RAD54B: variants seen among roughly 807,000 people sequenced by gnomAD.
RAD54B encodes the protein DNA repair and recombination protein RAD54B.
In RAD54B, 78 loss-of-function variants were observed where a neutral mutation model predicts 95.8. The ratio of observed to expected loss-of-function variants is 0.81; its 90% CI spans 0.68 to 0.98. The LOEUF is 0.98. RAD54B is among the 50% of genes least tolerant of loss of function. The probability of loss-of-function intolerance (pLI) is 0.00; values close to 1 mark genes in which losing one functional copy is unlikely to be tolerated. For missense variants in RAD54B, 957 were observed against 1,056.6 expected (o/e 0.91, Z 1.31); for synonymous variants, 328 against 354.9 (o/e 0.92, Z 0.85).
At chr8:94,425,885 C>T (rs1811929559) in intron 3 of RAD54B, among the ~76,000 whole-genome samples, 1 of 151,436 alleles carries the variant, frequency 6.6e-6, no homozygotes, top group Admixed American at 6.6e-5. Flanking sequence ...ATTTTGAATG[C>T]ACTTAAATAT....
chr8:94,387,371 G>GC, intron 10 of RAD54B: 2 of 394,906 alleles, frequency 5.1e-6, no homozygotes, highest in South Asian at 6.8e-5. Flanking sequence ...CAGTTCTAAC[G>GC]CAGTCTCATG....
intron 4 of RAD54B, among the ~76,000 whole-genome samples, chr8:94,410,381 C>T (rs1811500788): frequency 6.6e-6 from 1 of 152,176 alleles, no homozygotes; most frequent in African/African-American, 2.4e-5. Flanking sequence ...AATTACTTTG[C>T]TTTGTTCCCA....
intron 1 of RAD54B, among the ~76,000 whole-genome samples, chr8:94,472,388 T>A (rs1163970510): frequency 6.6e-6 from 1 of 152,230 alleles, no homozygotes. Context: ...TGTTAGGCCT[T>A]GCACTTAGAC....
intron 3 of RAD54B, chr8:94,437,061 A>C (rs1812284850): frequency 8.0e-6 from 9 of 1,131,470 alleles, no homozygotes; most frequent in Non-Finnish European, 1.0e-5. Flanking sequence ...GCTTAAGCCA[A>C]GCCTGACCTA....
chr8:94,383,059 G>A (rs1810782754), intron 11 of RAD54B, among the ~76,000 whole-genome samples: 1 of 152,118 alleles, frequency 6.6e-6, no homozygotes. Flanking sequence ...CACTTTGGGA[G>A]GCCAAGGGGG....
chr8:94,417,401 TAA>T (rs1811700464), intron 3 of RAD54B, among the ~76,000 whole-genome samples: 1 of 150,050 alleles, frequency 6.7e-6, no homozygotes, highest in Admixed American at 6.6e-5. Flanking sequence ...TAGGGTATGT[TAA>T]TTGTATCTCA....
In RAD54B at chr8:94,427,937, A is replaced by G. The variant is rs909575249; in HGVS notation, c.305-16622T>C. ...ACAGGGTAGAATGACTCCTTAAAAA[A>G]AAAAATGAAATAACACCAAGTTAAT... On this transcript the variant is annotated intron_variant, in intron 3 of 14. Transcript: ENST00000336148. 1.4e-5 allele frequency: 13 copies of G among 920,506 alleles called. No individual in the cohort carries two copies. In the African/African-American group the frequency reaches 2.3e-4, roughly 17 times the overall value. 57.0% of individuals were successfully genotyped at this position (920,506 alleles called of 1,614,324 possible).
chr8:94,432,779 TAAAA>T (rs936318996), intron 3 of RAD54B: 1 of 1,233,060 alleles, frequency 8.1e-7, no homozygotes, highest in Non-Finnish European at 1.0e-6. Flanking sequence ...AGTTACAAAA[TAAAA>T]AAAAATCTTA....
In RAD54B at chr8:94,405,767, T is replaced by C. The variant is rs148767544; in HGVS notation, c.782-1528A>G. 1.1e-4 allele frequency among the ~76,000 whole-genome samples: 16 copies of C among 152,228 alleles called. No individual in the cohort carries two copies. In the East Asian group the frequency reaches 2.5e-3, roughly 24 times the overall value. ...CATACTGCCCAAGCAAAAAGGACTA[T>C]AGGATTATAAATCACCTAATAAAAG... On this transcript the variant is annotated intron_variant, in intron 5 of 14. Coordinates refer to ENST00000336148, the MANE Select transcript of RAD54B (RefSeq NM_012415.3).
intron 11 of RAD54B, among the ~76,000 whole-genome samples, chr8:94,386,511 T>C (rs566203729): frequency 6.6e-6 from 1 of 152,294 alleles, no homozygotes; most frequent in East Asian, 1.9e-4. Context: ...TATATGTGTT[T>C]GGTATCCAAG....
intron 3 of RAD54B, chr8:94,430,531 AC>A: frequency 2.4e-6 from 2 of 827,746 alleles, no homozygotes; most frequent in Non-Finnish European, 2.9e-6. Context: ...GATTGCTGAC[AC>A]CCCCAGGGTT....
intron 7 of RAD54B, 45 bp from the exon 8 acceptor site, chr8:94,399,666 T>C (rs772941101): frequency 2.0e-6 from 3 of 1,534,848 alleles, no homozygotes; most frequent in South Asian, 2.5e-5. Context: ...ACAGAAACTA[T>C]ATGAAATCAA....
intron 10 of RAD54B, chr8:94,387,496 C>T (rs1424477483): frequency 5.7e-6 from 1 of 175,692 alleles, no homozygotes; most frequent in Admixed American, 6.2e-5. Flanking sequence ...ATACAAAATC[C>T]ATCCTCTCCA....
In RAD54B at chr8:94,391,866, C is replaced by T; in HGVS notation, c.1552G>A (p.Glu518Lys). ...EKELGERRAA[E>K]LTCLTGLFIL... ...AAGAGTCCAGTGAGGCAAGTAAGTT[C>T]AGCTGCTCTTCTTTCTCCTAACTCC... The change falls in exon 10 of 15, where the codon GAA (glutamate) becomes AAA (lysine). Residue 518 changes from glutamate (E) to lysine (K), a missense_variant. Transcript: ENST00000336148. The T allele has an allele frequency of 6.2e-7, 1 of 1,612,090 alleles. No individual in the cohort carries two copies. The highest frequency in any genetic ancestry group is 8.5e-7 in the Non-Finnish European group (1 of 1,179,530).
chr8:94,438,437 C>T (rs1478031447), intron 3 of RAD54B, among the ~76,000 whole-genome samples: 4 of 152,108 alleles, frequency 2.6e-5, no homozygotes, highest in African/African-American at 9.7e-5. Context: ...GCAAATGATT[C>T]TTGTCCATAG....
chr8:94,429,238 A>C, intron 3 of RAD54B: 2 of 570,296 alleles, frequency 3.5e-6, no homozygotes, highest in Non-Finnish European at 4.4e-6. Flanking sequence ...ATCTTAAACA[A>C]TGCTGCAGAA....
At chr8:94,438,972 G>A (rs1345179008) in intron 3 of RAD54B, among the ~76,000 whole-genome samples, 1 of 152,134 alleles carries the variant, frequency 6.6e-6, no homozygotes, top group Non-Finnish European at 1.5e-5. Context: ...TATGCCTGTA[G>A]TTCCAGCTAT....
rs1249306575 is a variant in RAD54B, at chr8:94,377,553, A to G, written c.2515+627T>C. On this transcript the variant is annotated intron_variant, in intron 14 of 14. Coordinates refer to ENST00000336148, the MANE Select transcript of RAD54B (RefSeq NM_012415.3). ...AGCCAGACCCTGTCTTGGAAAAAAA[A>G]AAAAAAAAAAAAAAAAAAAAAAAAA... Among the ~76,000 whole-genome samples, 249 of 72,006 alleles carry G rather than the reference A, an allele frequency of 3.5e-3. 2 individuals are homozygous for G. The highest frequency in any genetic ancestry group is 8.5e-3 in the African/African-American group (239 of 28,186). The allele number at this position is 72,006 out of a possible 152,430, so 47.2% of individuals were successfully genotyped here. A position where few individuals can be genotyped will look rare whatever the true frequency, so the allele number is the denominator to read the frequency against.
intron 5 of RAD54B, 117 bp from the exon 6 acceptor site, chr8:94,404,356 CA>C: frequency 1.0e-6 from 1 of 964,240 alleles, no homozygotes; most frequent in Non-Finnish European, 1.4e-6. Context: ...CAAAAAAGTC[CA>C]AAATTTAGTC....
Sources: allele counts gnomAD v4.1 joint callset (sites outside exome capture counted in the v4.1 genomes callset), GRCh38; gene constraint gnomAD v4.1.1; transcripts MANE v1.5; gene names NCBI Gene and HGNC (gene_info 2026-07-23, HGNC 2026-07-21).